The following UBE2E2 variants were observed in gnomAD, a reference collection of about 807,000 sequenced individuals.
UBE2E2 encodes the protein ubiquitin-conjugating enzyme E2 E2.
Under a neutral mutation model 24.7 loss-of-function variants are expected in UBE2E2, and 6 were observed. That is an observed-to-expected ratio of 0.24 (90% CI 0.13 to 0.48). The LOEUF (loss-of-function observed/expected upper bound fraction) is 0.48, where lower values mean the gene tolerates loss of function less well. Among genes scored for constraint, UBE2E2 ranks in the 20% least tolerant of loss-of-function variants. The pLI is 0.99. For missense variants in UBE2E2, 169 were observed against 245.0 expected, an observed-to-expected ratio of 0.69 and a Z score of 2.07; for synonymous variants, 104 against 83.6, an observed-to-expected ratio of 1.24 and a Z score of -1.33.
chr3:23,554,465 T>A (rs1267422047), intron 5 of UBE2E2, among the ~76,000 whole-genome samples: 1 of 152,100 alleles, frequency 6.6e-6, no homozygotes, highest in Admixed American at 6.6e-5. Context: ...CAGTGAGCTA[T>A]GATCACACTG....
intron 3 of UBE2E2, among the ~76,000 whole-genome samples, chr3:23,250,304 T>TATC (rs763300350): frequency 6.6e-6 from 1 of 152,234 alleles, no homozygotes; most frequent in Non-Finnish European, 1.5e-5. Context: ...ACATTATTAT[T>TATC]GTCTCATCTG....
intron 2 of UBE2E2, among the ~76,000 whole-genome samples, chr3:23,210,964 C>T (rs1437770846): frequency 6.6e-6 from 1 of 152,142 alleles, no homozygotes; most frequent in East Asian, 1.9e-4. Flanking sequence ...ATTTTCCCCT[C>T]TCTCTTCCTC....
At chr3:23,398,264 G>T (rs1393875452) in intron 3 of UBE2E2, among the ~76,000 whole-genome samples, 2 of 146,820 alleles carry the variant, frequency 1.4e-5, no homozygotes, top group Non-Finnish European at 3.0e-5. Context: ...AGTGAGCTGA[G>T]ATGGCACCAC....
At chr3:23,532,236 C>T (rs925660250) in intron 4 of UBE2E2, among the ~76,000 whole-genome samples, 1 of 152,100 alleles carries the variant, frequency 6.6e-6, no homozygotes, top group Non-Finnish European at 1.5e-5. Context: ...AGTTTCTCCC[C>T]ATGAACATTC....
intron 3 of UBE2E2, among the ~76,000 whole-genome samples, chr3:23,479,529 T>A (rs977461533): frequency 4.0e-5 from 6 of 151,280 alleles, no homozygotes; most frequent in African/African-American, 1.5e-4. Flanking sequence ...CACAAGATGG[T>A]GAGTTGGGGG....
intron 4 of UBE2E2, among the ~76,000 whole-genome samples, chr3:23,523,757 TGTTA>T (rs1395169118): frequency 6.6e-6 from 1 of 152,124 alleles, no homozygotes; most frequent in African/African-American, 2.4e-5. Context: ...TTAGGGTGTA[TGTTA>T]GTTATTGGTG....
chr3:23,215,846 A>G (rs957586346), intron 2 of UBE2E2, among the ~76,000 whole-genome samples: 1 of 152,106 alleles, frequency 6.6e-6, no homozygotes. Flanking sequence ...TGAGTTTTGA[A>G]GTGTCTGTTG....
chr3:23,351,776 A>G (rs540320586), intron 3 of UBE2E2, among the ~76,000 whole-genome samples: 1 of 152,174 alleles, frequency 6.6e-6, no homozygotes, highest in Non-Finnish European at 1.5e-5. Context: ...CTCCCACACA[A>G]TAATAATGGG....
At chr3:23,439,906 C>G (rs1002770019) in intron 3 of UBE2E2, among the ~76,000 whole-genome samples, 1 of 151,672 alleles carries the variant, frequency 6.6e-6, no homozygotes, top group Non-Finnish European at 1.5e-5. Flanking sequence ...CAAGATTATA[C>G]TATCAGTGAA....
intron 5 of UBE2E2, among the ~76,000 whole-genome samples, chr3:23,561,555 G>A (rs1399897643): frequency 6.6e-6 from 1 of 151,988 alleles, no homozygotes; most frequent in African/African-American, 2.4e-5. Context: ...GGCAATGCGG[G>A]CTCTTTTTTG....
intron 3 of UBE2E2, among the ~76,000 whole-genome samples, chr3:23,401,003 TG>T (rs1697209287): frequency 6.6e-6 from 1 of 152,194 alleles, no homozygotes. Flanking sequence ...ATAATTAAAA[TG>T]GAATTCTGCT....
intron 3 of UBE2E2, among the ~76,000 whole-genome samples, chr3:23,409,967 CA>C (rs1697461729): frequency 6.6e-6 from 1 of 152,140 alleles, no homozygotes; most frequent in African/African-American, 2.4e-5. Flanking sequence ...ATGTAGAGCC[CA>C]CTGTGATTTA....
chr3:23,436,908 C>T (rs1055831936), intron 3 of UBE2E2, among the ~76,000 whole-genome samples: 1 of 152,206 alleles, frequency 6.6e-6, no homozygotes, highest in Non-Finnish European at 1.5e-5. Context: ...TTGCATAATA[C>T]TATGAGCTGG....
intron 3 of UBE2E2, among the ~76,000 whole-genome samples, chr3:23,344,840 ATGT>A (rs1283351940): frequency 2.0e-5 from 3 of 151,772 alleles, no homozygotes; most frequent in African/African-American, 4.8e-5. Context: ...AAAAAATTAA[ATGT>A]TGTATACTTA....
At chr3:23,343,651 A>C (rs149752299) in intron 3 of UBE2E2, among the ~76,000 whole-genome samples, 107 of 152,322 alleles carry the variant, frequency 7.0e-4, no homozygotes, top group African/African-American at 2.5e-3. Flanking sequence ...CATGCTCCTC[A>C]AGTGAACACA....
intron 3 of UBE2E2, among the ~76,000 whole-genome samples, chr3:23,405,127 C>T (rs568486132): frequency 6.6e-6 from 1 of 152,226 alleles, no homozygotes; most frequent in South Asian, 2.1e-4. Flanking sequence ...TTTGGGTTTG[C>T]TTTCATTTTA....
Position 23,208,671 on chromosome 3 carries a change from AT to A in UBE2E2, c.-8-16del. ...TTACTGTAGTACAGCTAAATAAATGATTTTTGATTCTTTAATCCAGGATCTA... is the reference window on the plus strand; with the variant it reads ...TTACTGTAGTACAGCTAAATAAATGATTTTGATTCTTTAATCCAGGATCTA... On this transcript the variant is annotated intron_variant, in intron 1 of 5. Transcript: ENST00000396703. 1 of 1,579,374 alleles carries A rather than the reference AT, an allele frequency of 6.3e-7. No homozygotes were observed. Among genetic ancestry groups the A allele is most frequent in the South Asian group, 1.2e-5 (1 of 84,760 alleles).
At chr3:23,588,449 C>G (rs1446818240) in intron 5 of UBE2E2, among the ~76,000 whole-genome samples, 9 of 143,996 alleles carry the variant, frequency 6.3e-5, no homozygotes, top group Non-Finnish European at 1.3e-4. Flanking sequence ...GAGGGTCTCA[C>G]TCTGTCACCC....
chr3:23,399,784 T>G (rs928053977), intron 3 of UBE2E2, among the ~76,000 whole-genome samples: 1 of 152,198 alleles, frequency 6.6e-6, no homozygotes, highest in African/African-American at 2.4e-5. Flanking sequence ...ATACTTTACA[T>G]TATAATGTAC....
Sources: gnomAD v4.1 joint callset for allele counts (sites outside exome capture counted in the v4.1 genomes callset) on GRCh38, gnomAD v4.1.1 for gene constraint, MANE v1.5 for transcripts, NCBI Gene and HGNC (gene_info 2026-07-23, HGNC 2026-07-21) for gene names.